Variants in ST8SIA6 observed in about 807,000 individuals in gnomAD.
The protein encoded by ST8SIA6 is alpha-2,8-sialyltransferase 8F.
A neutral mutation model predicts 33.6 loss-of-function variants in ST8SIA6; 39 were observed. The observed-to-expected ratio is 1.16, with a 90% CI of 0.90 to 1.52. The LOEUF (loss-of-function observed/expected upper bound fraction) is 1.52, where lower values mean the gene tolerates loss of function less well. Among genes scored for constraint, ST8SIA6 ranks in the 40% most tolerant of loss-of-function variants. The pLI is 0.00. For missense variants in ST8SIA6, 441 were observed against 443.8 expected, an observed-to-expected ratio of 0.99 and a Z score of 0.06; for synonymous variants, 172 against 167.2, an observed-to-expected ratio of 1.03 and a Z score of -0.22.
intron 6 of ST8SIA6, 27 bp from the exon 7 acceptor site, chr10:17,323,184 C>T (rs751559236): frequency 2.5e-6 from 4 of 1,587,644 alleles, no homozygotes; most frequent in Admixed American, 1.7e-5. Flanking sequence ...AAATCATTTT[C>T]AAAATAGAAC....
chr10:17,351,461 T>A (rs1357591446), intron 4 of ST8SIA6, among the ~76,000 whole-genome samples: 2 of 148,246 alleles, frequency 1.3e-5, no homozygotes, highest in Non-Finnish European at 3.0e-5. Context: ...ACCTTCATTT[T>A]ATGTTAAATT....
At chr10:17,440,732 C>T (rs113546600) in intron 2 of ST8SIA6, among the ~76,000 whole-genome samples, 16 of 152,094 alleles carry the variant, frequency 1.1e-4, no homozygotes, top group African/African-American at 3.4e-4. Flanking sequence ...TCAGGAGCTT[C>T]GGCAGTAGAA....
intron 4 of ST8SIA6, among the ~76,000 whole-genome samples, chr10:17,346,739 A>G (rs1848849641): frequency 6.6e-6 from 1 of 152,228 alleles, no homozygotes; most frequent in Admixed American, 6.5e-5. Context: ...ATGCCAGTTA[A>G]GAGAGAACAA....
In ST8SIA6 at chr10:17,331,566, G is replaced by T. The variant is rs1848300543; in HGVS notation, c.378-14C>A. ...GCAAGTTTGGCTCTGCAAAGGAAAA[G>T]GATGAAAAGGAAGCCAAAGTATAAG... On this transcript the variant is annotated splice_polypyrimidine_tract_variant and intron_variant, in intron 4 of 7. Coordinates refer to ENST00000377602, the MANE Select transcript of ST8SIA6 (RefSeq NM_001004470.3). 1 of 1,591,406 alleles carries T rather than the reference G, an allele frequency of 6.3e-7. No individual in the cohort carries two copies. The highest frequency in any genetic ancestry group is 1.4e-5 in the African/African-American group (1 of 73,568).
chr10:17,432,387 C>T (rs953327608), intron 2 of ST8SIA6, among the ~76,000 whole-genome samples: 11 of 152,256 alleles, frequency 7.2e-5, no homozygotes, highest in Middle Eastern at 3.4e-3. Context: ...TACAACAATC[C>T]GGGCAGACAG....
intron 4 of ST8SIA6, among the ~76,000 whole-genome samples, chr10:17,339,183 A>G (rs1232406275): frequency 6.6e-6 from 1 of 150,878 alleles, no homozygotes; most frequent in African/African-American, 2.4e-5. Context: ...TATTTGTTTC[A>G]AGTCTCAGGT....
intron 2 of ST8SIA6, among the ~76,000 whole-genome samples, chr10:17,452,317 G>C (rs1163934630): frequency 3.9e-5 from 6 of 152,162 alleles, no homozygotes; most frequent in Non-Finnish European, 8.8e-5. Flanking sequence ...AGCCGTGCTA[G>C]AGCTTCCTGG....
chr10:17,415,809 T>TC (rs1309330725), intron 2 of ST8SIA6, among the ~76,000 whole-genome samples: 1 of 143,116 alleles, frequency 7.0e-6, no homozygotes, highest in Non-Finnish European at 1.5e-5. Context: ...TTGTCTTTTT[T>TC]TTTTTTTTTT....
At chr10:17,400,490 C>T (rs952468453) in intron 2 of ST8SIA6, among the ~76,000 whole-genome samples, 12 of 152,258 alleles carry the variant, frequency 7.9e-5, no homozygotes, top group South Asian at 2.1e-4. Flanking sequence ...TGAGATCACG[C>T]GACTGCACTC....
chr10:17,358,761 A>G (rs1183954077), intron 4 of ST8SIA6, among the ~76,000 whole-genome samples: 3 of 151,458 alleles, frequency 2.0e-5, no homozygotes, highest in Non-Finnish European at 4.4e-5. Context: ...GGAGGAAAGA[A>G]GAAGAGAAAG....
intron 2 of ST8SIA6, among the ~76,000 whole-genome samples, chr10:17,391,808 T>A (rs760006872): frequency 2.6e-5 from 4 of 152,224 alleles, no homozygotes; most frequent in Admixed American, 6.5e-5. Context: ...GACATAGGCA[T>A]GTTATTTAAC....
At chr10:17,393,112 C>T (rs1850678778) in intron 2 of ST8SIA6, among the ~76,000 whole-genome samples, 1 of 152,128 alleles carries the variant, frequency 6.6e-6, no homozygotes, top group Non-Finnish European at 1.5e-5. Context: ...GCTGGGACGT[C>T]GTTTTCTCCT....
At chr10:17,436,410 TG>T (rs983346254) in intron 2 of ST8SIA6, among the ~76,000 whole-genome samples, 2 of 152,118 alleles carry the variant, frequency 1.3e-5, no homozygotes, top group African/African-American at 4.8e-5. Flanking sequence ...TTAGGGTACA[TG>T]TGCACAACGT....
At chr10:17,421,432 G>A (rs181028597) in intron 2 of ST8SIA6, among the ~76,000 whole-genome samples, 50 of 152,316 alleles carry the variant, frequency 3.3e-4, no homozygotes, top group African/African-American at 1.2e-3. Flanking sequence ...AAATTGTATA[G>A]TATGTAGTTT....
chr10:17,375,446 A>G (rs1302835562), intron 3 of ST8SIA6, among the ~76,000 whole-genome samples: 1 of 152,178 alleles, frequency 6.6e-6, no homozygotes, highest in African/African-American at 2.4e-5. Flanking sequence ...TAGAGTGAAG[A>G]ACACTTAGGG....
chr10:17,381,734 C>G (rs1157999311), intron 3 of ST8SIA6, among the ~76,000 whole-genome samples: 1 of 152,176 alleles, frequency 6.6e-6, no homozygotes, highest in Non-Finnish European at 1.5e-5. Context: ...CAGCCCCAAA[C>G]AGAATGATCT....
At chr10:17,401,342 A>G (rs1264527445) in intron 2 of ST8SIA6, among the ~76,000 whole-genome samples, 7 of 152,234 alleles carry the variant, frequency 4.6e-5, no homozygotes, top group African/African-American at 1.7e-4. Flanking sequence ...TATCGTGAAA[A>G]TGGCCATACT....
chr10:17,335,080 C>T (rs1334998589), intron 4 of ST8SIA6, among the ~76,000 whole-genome samples: 2 of 152,196 alleles, frequency 1.3e-5, no homozygotes, highest in African/African-American at 4.8e-5. Flanking sequence ...GGAAATCAAG[C>T]AAAGCTTTAG....
intron 2 of ST8SIA6, among the ~76,000 whole-genome samples, chr10:17,397,532 G>T (rs1261688602): frequency 6.6e-6 from 1 of 152,160 alleles, no homozygotes; most frequent in East Asian, 1.9e-4. Context: ...ACCGCGCCTG[G>T]CCTCCTGTGC....
Sources: gnomAD v4.1 joint callset for allele counts (sites outside exome capture counted in the v4.1 genomes callset) on GRCh38, gnomAD v4.1.1 for gene constraint, MANE v1.5 for transcripts, NCBI Gene and HGNC (gene_info 2026-07-23, HGNC 2026-07-21) for gene names.